The following COL24A1 variants were observed in gnomAD, a reference collection of about 807,000 sequenced individuals.
COL24A1 encodes the protein collagen alpha-1(XXIV) chain.
In COL24A1, 224 loss-of-function variants were observed where a neutral mutation model predicts 253.9. The observed-to-expected ratio is 0.88, with a 90% CI of 0.79 to 0.99. COL24A1 has a LOEUF of 0.99. Ranked by LOEUF, COL24A1 falls within the 50% of genes least tolerant of loss-of-function variation. The pLI is 0.00. For missense variants in COL24A1, 2,131 were observed against 2,068.5 expected (o/e 1.03, Z -0.59); for synonymous variants, 685 against 673.7 (o/e 1.02, Z -0.26).
intron 2 of COL24A1, among the ~76,000 whole-genome samples, chr1:86,138,558 A>G (rs1650598641): frequency 6.6e-6 from 1 of 152,048 alleles, no homozygotes; most frequent in South Asian, 2.1e-4. Flanking sequence ...GTTTCCCTGC[A>G]CAGGCTCTCT....
chr1:85,877,042 A>G, intron 33 of COL24A1, 80 bp downstream of exon 33: 1 of 945,240 alleles, frequency 1.1e-6, no homozygotes, highest in South Asian at 1.6e-5. Flanking sequence ...CTCATAGTAT[A>G]TATTTAATTA....
chr1:85,830,773 G>A lies in COL24A1; in HGVS notation c.3682-7035C>T, dbSNP rs139581151. Among the ~76,000 whole-genome samples, 982 of 152,274 alleles carry A rather than the reference G, an allele frequency of 6.4e-3. 11 individuals are homozygous for A. Among genetic ancestry groups the A allele is most frequent in the African/African-American group, 0.023 (941 of 41,592 alleles). Reference sequence around the variant, plus strand: ...GCCGAGTGAGGCAATGCCTTGCCCTGCTTCGGCTCGCGCACAGTGCGTGCA... The same window carrying A: ...GCCGAGTGAGGCAATGCCTTGCCCTACTTCGGCTCGCGCACAGTGCGTGCA... On this transcript the variant is annotated intron_variant, in intron 43 of 59. Transcript: ENST00000370571.
intron 37 of COL24A1, among the ~76,000 whole-genome samples, chr1:85,858,664 CTT>C (rs1216409668): frequency 4.7e-5 from 7 of 149,568 alleles, no homozygotes; most frequent in African/African-American, 1.7e-4. Flanking sequence ...TCCTTCCTTC[CTT>C]CCTTCCTTCC....
rs563685161 is a variant in COL24A1, at chr1:86,005,861, G to A, written c.2310+11290C>T. ...CTCCTGGAATGAATAAGCAGTTATA[G>A]CAAGGTTGTAGGATACAAGGTTAAT... On this transcript the variant is annotated intron_variant, in intron 19 of 59. Transcript: ENST00000370571. 3.3e-5 allele frequency among the ~76,000 whole-genome samples: 5 copies of A among 152,272 alleles called. No individual in the cohort carries two copies. In the South Asian group the frequency reaches 1.0e-3, roughly 32 times the overall value.
chr1:86,138,371 G>C (rs2102366052), intron 2 of COL24A1, among the ~76,000 whole-genome samples: 1 of 152,240 alleles, frequency 6.6e-6, no homozygotes, highest in East Asian at 1.9e-4. Context: ...CTTTGGGACA[G>C]CTCTCTAACT....
chr1:85,867,785 C>T (rs1328980118), intron 37 of COL24A1, among the ~76,000 whole-genome samples: 3 of 152,176 alleles, frequency 2.0e-5, no homozygotes, highest in Non-Finnish European at 4.4e-5. Context: ...CACTCTGTCT[C>T]CCAGGCTGGA....
intron 32 of COL24A1, among the ~76,000 whole-genome samples, chr1:85,880,122 C>T (rs1681654785): frequency 6.6e-6 from 1 of 152,202 alleles, no homozygotes; most frequent in Admixed American, 6.5e-5. Context: ...GAACTAATAT[C>T]TCAACAATAT....
chr1:85,896,143 A>G, intron 29 of COL24A1, 78 bp from the exon 30 acceptor site: 1 of 1,399,184 alleles, frequency 7.1e-7, no homozygotes, highest in Admixed American at 2.1e-5. Context: ...GCTAGCATAC[A>G]CTCACATACA....
chr1:86,090,374 A>G (rs1703406292), intron 6 of COL24A1, among the ~76,000 whole-genome samples: 1 of 152,146 alleles, frequency 6.6e-6, no homozygotes, highest in Non-Finnish European at 1.5e-5. Flanking sequence ...AACTTACACC[A>G]TTTAAAAACG....
In COL24A1 at chr1:86,048,989, T is replaced by A. The variant is rs777839451; in HGVS notation, c.1905+1135A>T. ...TCAAAGGATCAGAAAAGGATTGTTA[T>A]CACGAACAGCAGAGTAATTAACAAC... On this transcript the variant is annotated intron_variant, in intron 11 of 59. Coordinates refer to ENST00000370571, the MANE Select transcript of COL24A1 (RefSeq NM_152890.7). Among the ~76,000 whole-genome samples the A allele has an allele frequency of 4.6e-5, 7 of 152,192 alleles. 1 individual carries two copies. The highest frequency in any genetic ancestry group is 1.0e-4 in the Non-Finnish European group (7 of 68,024).
At chr1:86,065,504 A>G (rs1422312151) in intron 7 of COL24A1, among the ~76,000 whole-genome samples, 1 of 152,184 alleles carries the variant, frequency 6.6e-6, no homozygotes, top group East Asian at 1.9e-4. Context: ...AGCACCATGC[A>G]GTCATGATCT....
chr1:86,022,142 C>A, intron 18 of COL24A1, 98 bp downstream of exon 18: 1 of 1,015,114 alleles, frequency 9.9e-7, no homozygotes, highest in South Asian at 1.3e-5. Flanking sequence ...GACAAATGCT[C>A]AGTAGGCTTA....
At chr1:85,871,056 A>G (rs1055713344) in intron 35 of COL24A1, among the ~76,000 whole-genome samples, 4 of 152,202 alleles carry the variant, frequency 2.6e-5, no homozygotes, top group African/African-American at 9.6e-5. Flanking sequence ...ACCATCAGAG[A>G]ATACTACAAA....
intron 5 of COL24A1, among the ~76,000 whole-genome samples, chr1:86,107,495 G>A (rs1290695292): frequency 6.6e-6 from 1 of 151,276 alleles, no homozygotes; most frequent in Non-Finnish European, 1.5e-5. Flanking sequence ...TGATACATTT[G>A]TGACACAATG....
In COL24A1 at chr1:85,945,019, T is replaced by TTGTTTG. The variant is rs1553237049; in HGVS notation, c.2562+16229_2562+16230insCAAACA. Reference sequence around the variant, plus strand: ...ATCATTGTGTTTTTTTTTTTTTTTTTTTTTTTTTTTTTTTTTGAGACAGAG... The same window carrying TTGTTTG: ...ATCATTGTGTTTTTTTTTTTTTTTTTTGTTTGTTTTTTTTTTTTTTTTGAGACAGAG... On this transcript the variant is annotated intron_variant, in intron 24 of 59. Transcript: ENST00000370571. Among the ~76,000 whole-genome samples the TTGTTTG allele has an allele frequency of 9.3e-3, 685 of 73,382 alleles. 12 individuals are homozygous for TTGTTTG. Among genetic ancestry groups the TTGTTTG allele is most frequent in the Admixed American group, 0.032 (156 of 4,856 alleles). 48.1% of individuals were successfully genotyped at this position (73,382 alleles called of 152,430 possible).
intron 19 of COL24A1, among the ~76,000 whole-genome samples, chr1:86,003,210 A>G (rs568630170): frequency 1.4e-4 from 21 of 152,276 alleles, no homozygotes; most frequent in Middle Eastern, 3.4e-3. Context: ...GAACCTGGTA[A>G]AGGAAGGACA....
At chr1:85,845,677 C>T (rs967335880) in intron 39 of COL24A1, among the ~76,000 whole-genome samples, 2 of 151,640 alleles carry the variant, frequency 1.3e-5, no homozygotes, top group Non-Finnish European at 3.0e-5. Context: ...TATAATAGCA[C>T]CAACAGCACC....
Position 86,125,802 on chromosome 1 carries a change from A to G in COL24A1, c.534T>C (p.Phe178=). 6.2e-7 allele frequency: 1 copy of G among 1,613,252 alleles called. No homozygotes were observed. Among genetic ancestry groups the G allele is most frequent in the African/African-American group, 1.3e-5 (1 of 75,010 alleles). ...ITIRNQSVSM[F]VECGKKYFST... is the part of the protein sequence containing the mutation. ...TAAAATATTTCTTTCCACACTCAAC[A>G]AACATTGAGACACTTTGGTTTCTAA... Residue 178 remains phenylalanine (F), a synonymous_variant, in exon 3 of 60, where the codon TTT becomes TTC. Coordinates refer to ENST00000370571, the MANE Select transcript of COL24A1 (RefSeq NM_152890.7).
intron 19 of COL24A1, among the ~76,000 whole-genome samples, chr1:85,991,794 T>C (rs1406195030): frequency 6.6e-6 from 1 of 152,164 alleles, no homozygotes; most frequent in Non-Finnish European, 1.5e-5. Flanking sequence ...AGTATAGTCA[T>C]ACAAGCTGAA....
Sources: allele counts gnomAD v4.1 joint callset (sites outside exome capture counted in the v4.1 genomes callset), GRCh38; gene constraint gnomAD v4.1.1; transcripts MANE v1.5; gene names NCBI Gene and HGNC (gene_info 2026-07-23, HGNC 2026-07-21).